The following NLRP5 variants were observed in gnomAD, a reference collection of about 807,000 sequenced individuals.
NLRP5 encodes NACHT, LRR and PYD domains-containing protein 5.
Under a neutral mutation model 113.1 loss-of-function variants are expected in NLRP5, and 93 were observed. The ratio of observed to expected loss-of-function variants is 0.82; its 90% confidence interval spans 0.70 to 0.98. The LOEUF (loss-of-function observed/expected upper bound fraction) is 0.98. NLRP5 is among the 50% of genes least tolerant of loss of function. The pLI is 0.00. For missense variants in NLRP5, 1,808 were observed against 1,514.3 expected (o/e 1.19, Z -3.22); for synonymous variants, 751 against 600.7 (o/e 1.25, Z -3.66).
chr19:56,010,754 A>AAAAAAAAAAAAAAAAAAAAAAAAAAAC (rs1220880536), intron 3 of NLRP5, among the ~76,000 whole-genome samples: 1 of 119,870 alleles, frequency 8.3e-6, no homozygotes. Context: ...AAAAAAAAAA[A>AAAAAAAAAAAAAAAAAAAAAAAAAAAC]AGTCCCTTGA....
intron 11 of NLRP5, among the ~76,000 whole-genome samples, chr19:56,045,271 G>T (rs1983680753): frequency 1.3e-5 from 2 of 152,154 alleles, no homozygotes; most frequent in Admixed American, 6.6e-5. Flanking sequence ...GGGCATCCTT[G>T]TCTTTGTTAT....
intron 6 of NLRP5, among the ~76,000 whole-genome samples, chr19:56,025,232 G>C (rs1404861230): frequency 6.6e-6 from 1 of 152,106 alleles, no homozygotes; most frequent in Admixed American, 6.6e-5. Context: ...TAATGTGCTT[G>C]AGTCATCTCA....
At chr19:55,993,145 G>A in the NLRP5 span, among the ~76,000 whole-genome samples, 8 of 151,804 alleles carry the variant, frequency 5.3e-5, no homozygotes, top group South Asian at 2.1e-4. Flanking sequence ...CACTGCGCCC[G>A]GCCCGAGTGA....
the NLRP5 span, among the ~76,000 whole-genome samples, chr19:55,991,950 A>G: frequency 1.5e-4 from 23 of 151,930 alleles, no homozygotes; most frequent in Admixed American, 1.2e-3. Context: ...TTTGTTATAC[A>G]TACTATTTCC....
intron 3 of NLRP5, among the ~76,000 whole-genome samples, chr19:56,013,595 G>GTTTTTTT (rs1418924718): frequency 1.3e-3 from 41 of 30,966 alleles, no homozygotes; most frequent in South Asian, 3.7e-3. Context: ...TGGACATTTG[G>GTTTTTTT]GTTTTTTTTT....
chr19:56,014,898 A>T (rs746870810), intron 3 of NLRP5, among the ~76,000 whole-genome samples: 6 of 152,126 alleles, frequency 3.9e-5, no homozygotes, highest in Non-Finnish European at 8.8e-5. Context: ...TTGAATTTCC[A>T]TGTGACTTTT....
At chr19:55,994,596 C>T in the NLRP5 span, among the ~76,000 whole-genome samples, 1 of 152,194 alleles carries the variant, frequency 6.6e-6, no homozygotes, top group Non-Finnish European at 1.5e-5. Flanking sequence ...TGGAGTTTCA[C>T]CATGTTGGCC....
chr19:56,029,458 G>T (rs1347097566), intron 7 of NLRP5, among the ~76,000 whole-genome samples: 5 of 149,810 alleles, frequency 3.3e-5, no homozygotes, highest in Non-Finnish European at 7.4e-5. Context: ...TAGAGACAGG[G>T]TTTCACCATG....
In NLRP5 at chr19:56,058,302, A is replaced by T. The variant is rs372293301; in HGVS notation, c.3362A>T (p.Asn1121Ile). ...GCACTCTCCTTGGCCCTTTCCTGCA[A>T]CCGGCATCTGACCAGTCTAAACCTG... Residue 1121 changes from asparagine (N) to isoleucine (I), a missense_variant, in exon 14 of 15, where the codon AAC (asparagine) becomes ATC (isoleucine). Transcript: ENST00000390649. The T allele has an allele frequency of 1.9e-6, 3 of 1,613,990 alleles. No individual in the cohort carries two copies. Among genetic ancestry groups the T allele is most frequent in the Non-Finnish European group, 2.5e-6 (3 of 1,179,876 alleles).
chr19:56,025,628 T>C (rs1032970361), intron 6 of NLRP5, among the ~76,000 whole-genome samples: 2 of 151,964 alleles, frequency 1.3e-5, no homozygotes, highest in African/African-American at 4.8e-5. Flanking sequence ...GCCAGGATGG[T>C]CTCAATCTCC....
At chr19:56,031,069 C>T (rs374831955) in intron 7 of NLRP5, among the ~76,000 whole-genome samples, 1 of 84,970 alleles carries the variant, frequency 1.2e-5, no homozygotes. Context: ...TGTTCACAAA[C>T]GTGGGAAGGT....
At chr19:56,048,436 C>A (rs889348775) in intron 11 of NLRP5, among the ~76,000 whole-genome samples, 1 of 152,028 alleles carries the variant, frequency 6.6e-6, no homozygotes, top group African/African-American at 2.4e-5. Flanking sequence ...AATTTCTCAG[C>A]ATTTGTCTGT....
Position 56,006,406 on chromosome 19 carries a change from C to A in NLRP5, c.442+2311C>A, listed in dbSNP as rs141013838. On this transcript the variant is annotated intron_variant, in intron 2 of 14. Transcript: ENST00000390649. ...AACCTGCACATTGTGCACATGTACC[C>A]TAGAACTTAAAGTATAATTTTAAAA... Among the ~76,000 whole-genome samples the A allele has an allele frequency of 9.4e-5, 14 of 149,566 alleles. No individual in the cohort carries two copies. The East Asian group carries it at 2.8e-3, about 30-fold the overall frequency.
chr19:56,006,879 A>G (rs1981937263), intron 2 of NLRP5, among the ~76,000 whole-genome samples: 1 of 151,394 alleles, frequency 6.6e-6, no homozygotes, highest in African/African-American at 2.4e-5. Context: ...AGCTGAGACT[A>G]CAGGTGCCCG....
chr19:55,990,364 C>T, the NLRP5 span, among the ~76,000 whole-genome samples: 1 of 151,816 alleles, frequency 6.6e-6, no homozygotes, highest in Admixed American at 6.6e-5. Context: ...GCTGGGATTA[C>T]AAAAGTCATA....
the NLRP5 span, chr19:55,987,995 T>C: frequency 9.5e-7 from 1 of 1,052,654 alleles, no homozygotes; most frequent in Non-Finnish European, 1.5e-6. Flanking sequence ...TATCATCCTG[T>C]ATGCATTAAC....
At chr19:56,040,893 A>G in intron 10 of NLRP5, 29 bp from the exon 11 acceptor site, 1 of 1,602,742 alleles carries the variant, frequency 6.2e-7, no homozygotes, top group Non-Finnish European at 8.5e-7. Context: ...GCATCTCATC[A>G]TGTCCTCTCT....
intron 11 of NLRP5, 136 bp from the exon 12 acceptor site, chr19:56,050,282 A>AG: frequency 1.3e-6 from 1 of 747,086 alleles, no homozygotes. Context: ...TCCTCAAAAA[A>AG]AAAAAAGAAA....
intron 13 of NLRP5, 90 bp downstream of exon 13, chr19:56,053,898 C>T (rs145154491): frequency 1.6e-6 from 2 of 1,241,672 alleles, no homozygotes; most frequent in Non-Finnish European, 2.3e-6. Flanking sequence ...TGATGATGAT[C>T]TGGTTTCCAT....
Sources: allele counts gnomAD v4.1 joint callset (sites outside exome capture counted in the v4.1 genomes callset), GRCh38; gene constraint gnomAD v4.1.1; transcripts MANE v1.5; gene names NCBI Gene and HGNC (gene_info 2026-07-23, HGNC 2026-07-21).